ANKMY1: variants seen among roughly 807,000 people sequenced by gnomAD.
The protein encoded by ANKMY1 is ankyrin repeat and MYND domain-containing protein 1.
A neutral mutation model predicts 102.0 loss-of-function variants in ANKMY1; 98 were observed. The ratio of observed to expected loss-of-function variants is 0.96; its 90% CI spans 0.82 to 1.14. The LOEUF (loss-of-function observed/expected upper bound fraction) is 1.14. Among genes scored for constraint, ANKMY1 ranks in the 50% most tolerant of loss-of-function variants. The pLI, the probability that ANKMY1 is intolerant of heterozygous loss-of-function variation, is 0.00. For synonymous variants in ANKMY1, 582 were observed against 559.9 expected (o/e 1.04, Z -0.56); for missense variants, 1,330 against 1,347.6 (o/e 0.99, Z 0.20).
At chr2:240,481,160 G>A (rs528515532) in intron 16 of ANKMY1, 63 bp from the exon 17 acceptor site, 106 of 1,561,826 alleles carry the variant, frequency 6.8e-5, no homozygotes, top group Middle Eastern at 3.4e-4. Context: ...ACAAACAGCC[G>A]CTGCCTGGGA....
rs767655569 is a variant in ANKMY1 at position 240,524,084 on chromosome 2, T to C, written c.1633A>G (p.Thr545Ala). The C allele has an allele frequency of 1.5e-5, 24 of 1,613,936 alleles. No individual in the cohort carries two copies. In the East Asian group the frequency reaches 4.9e-4, roughly 33 times the overall value. The change falls in exon 8 of 18, where the codon ACA (threonine) becomes GCA (alanine). Residue 545 changes from threonine (T) to alanine (A), a missense_variant. Thr to Ala is a moderately conservative substitution (Grantham distance 58, BLOSUM62 0). Transcript: ENST00000401804. Reference protein sequence around the residue: ...ESGLEDVLGNTDRGSLCSAET... With the variant: ...ESGLEDVLGNADRGSLCSAET... ...GCACTGCACAGACTGCCCCGGTCTG[T>C]GTTTCCCAACACGTCCTCAAGCCCG...
intron 15 of ANKMY1, among the ~76,000 whole-genome samples, chr2:240,492,926 GTGAT>G (rs1350472471): frequency 1.3e-5 from 2 of 152,204 alleles, no homozygotes; most frequent in African/African-American, 4.8e-5. Context: ...CTGACCTCAA[GTGAT>G]CTGCCTGCCT....
At chr2:240,514,155 G>T (rs1466526976) in intron 9 of ANKMY1, among the ~76,000 whole-genome samples, 1 of 152,232 alleles carries the variant, frequency 6.6e-6, no homozygotes, top group Non-Finnish European at 1.5e-5. Context: ...CAGCTGAGGG[G>T]TGAATCAGGA....
At chr2:240,492,479 CCT>C (rs1234474661) in intron 15 of ANKMY1, among the ~76,000 whole-genome samples, 2 of 152,088 alleles carry the variant, frequency 1.3e-5, no homozygotes, top group Non-Finnish European at 2.9e-5. Context: ...TTTGAGATTT[CCT>C]CTGTCTCATC....
Position 240,479,497 on chromosome 2 carries a change from A to G in ANKMY1, c.*112T>C. 7.7e-7 allele frequency: 1 copy of G among 1,299,928 alleles called. No homozygotes were observed. The highest frequency in any genetic ancestry group is 1.5e-5 in the African/African-American group (1 of 68,692). The allele number at this position is 1,299,928 out of a possible 1,614,324, so 80.5% of individuals were successfully genotyped here. ...GACACTGCTACAAAGCATGACCCCA[A>G]AGGTGCAGAAATGCCTGCATTAGGC... On this transcript the variant is annotated 3_prime_UTR_variant, in exon 18 of 18. Coordinates refer to ENST00000401804, the MANE Select transcript of ANKMY1 (RefSeq NM_001282771.3).
chr2:240,528,928 A>G, intron 5 of ANKMY1, 109 bp downstream of exon 5: 1 of 978,290 alleles, frequency 1.0e-6, no homozygotes, highest in Non-Finnish European at 1.6e-6. Context: ...TGTTTAGGTC[A>G]CCCTGAGGGA....
chr2:240,518,149 G>C (rs2081520510), intron 9 of ANKMY1, among the ~76,000 whole-genome samples: 1 of 152,062 alleles, frequency 6.6e-6, no homozygotes, highest in Non-Finnish European at 1.5e-5. Flanking sequence ...GATGTCTATG[G>C]TTTCTTTTAA....
chr2:240,535,539 A>G (rs1381824854), intron 4 of ANKMY1, among the ~76,000 whole-genome samples: 1 of 152,204 alleles, frequency 6.6e-6, no homozygotes, highest in Non-Finnish European at 1.5e-5. Context: ...GAGAACGTGG[A>G]TTTTTCCCAC....
At chr2:240,515,341 C>T (rs762211160) in intron 9 of ANKMY1, among the ~76,000 whole-genome samples, 1 of 152,110 alleles carries the variant, frequency 6.6e-6, no homozygotes, top group African/African-American at 2.4e-5. Flanking sequence ...TCAAGACCAG[C>T]CTGGCCAACA....
chr2:240,531,738 G>A (rs188836403), intron 4 of ANKMY1, among the ~76,000 whole-genome samples: 15 of 152,236 alleles, frequency 9.9e-5, no homozygotes, highest in Non-Finnish European at 1.5e-4. Context: ...GTGGAGGTAG[G>A]GGTTTACTAT....
chr2:240,527,648 G>C (rs1187969787), intron 5 of ANKMY1: 1 of 150,970 alleles, frequency 6.6e-6, no homozygotes, highest in South Asian at 2.1e-4. Context: ...ATGACTGGAC[G>C]GGTGGGTGGG....
intron 4 of ANKMY1, among the ~76,000 whole-genome samples, chr2:240,546,817 T>C (rs909555743): frequency 1.0e-3 from 157 of 152,346 alleles, no homozygotes; most frequent in African/African-American, 3.7e-3. Context: ...CTAACTATCC[T>C]AAATATATAT....
At chr2:240,526,927 C>A in intron 5 of ANKMY1, 1 of 1,077,796 alleles carries the variant, frequency 9.3e-7, no homozygotes, top group Non-Finnish European at 1.1e-6. Context: ...CTGGTGTGTA[C>A]ACAACCCCTT....
chr2:240,538,920 T>A (rs1388289004), intron 4 of ANKMY1, among the ~76,000 whole-genome samples: 1 of 152,060 alleles, frequency 6.6e-6, no homozygotes, highest in Non-Finnish European at 1.5e-5. Flanking sequence ...TTGGAGAACT[T>A]TTATGTCTAG....
Position 240,518,551 on chromosome 2 carries a change from C to T in ANKMY1, c.2004+1811G>A, listed in dbSNP as rs555857037. Among the ~76,000 whole-genome samples the T allele has an allele frequency of 8.5e-5, 13 of 152,338 alleles. No individual in the cohort carries two copies. In the East Asian group the frequency reaches 1.7e-3, roughly 20 times the overall value. On this transcript the variant is annotated intron_variant, in intron 9 of 17. Coordinates refer to ENST00000401804, the MANE Select transcript of ANKMY1 (RefSeq NM_001282771.3). Reference sequence around the variant, plus strand: ...CAGTACCTGTCATCTCACTGATTGGCTTTCTGTGCAGTAAGCAGCAGGATC... The same window carrying T: ...CAGTACCTGTCATCTCACTGATTGGTTTTCTGTGCAGTAAGCAGCAGGATC...
chr2:240,494,581 G>A (rs2077014717), intron 15 of ANKMY1, among the ~76,000 whole-genome samples: 1 of 152,258 alleles, frequency 6.6e-6, no homozygotes, highest in Middle Eastern at 3.4e-3. Flanking sequence ...CAGGGCCACT[G>A]GGTCCCAGGA....
At chr2:240,480,519 T>C (rs1365499974) in intron 17 of ANKMY1, among the ~76,000 whole-genome samples, 1 of 152,026 alleles carries the variant, frequency 6.6e-6, no homozygotes, top group East Asian at 1.9e-4. Flanking sequence ...TGGGAGGAAA[T>C]TTCCTGAAGG....
In ANKMY1 at chr2:240,511,967, T is replaced by C. The variant is rs748549911; in HGVS notation, c.2180A>G (p.Asn727Ser). The change falls in exon 11 of 18, where the codon AAT (asparagine) becomes AGT (serine). Residue 727 changes from asparagine to serine, a missense_variant. Coordinates refer to ENST00000401804, the MANE Select transcript of ANKMY1 (RefSeq NM_001282771.3). The part of the protein sequence containing the change: ...DLLPSSLKLS[N>S]EPGPPQAYYS... ...GTAGGCTTGGGGAGGGCCTGGCTCATTGCTGAGCTTCAGACTTGAGGGCAG... is the reference window on the plus strand; with the variant it reads ...GTAGGCTTGGGGAGGGCCTGGCTCACTGCTGAGCTTCAGACTTGAGGGCAG... 4 of 1,562,208 alleles carry C rather than the reference T, an allele frequency of 2.6e-6. No homozygotes were observed. In the African/African-American group the frequency reaches 4.2e-5, roughly 17 times the overall value.
intron 12 of ANKMY1, 144 bp downstream of exon 12, chr2:240,509,204 A>AGTGGATGG (rs1324872979): frequency 3.2e-6 from 2 of 627,646 alleles, no homozygotes; most frequent in Non-Finnish European, 5.3e-6. Flanking sequence ...TGGGTGGGTG[A>AGTGGATGG]GTGGATGGGT....
Sources: allele counts gnomAD v4.1 joint callset (sites outside exome capture counted in the v4.1 genomes callset), GRCh38; gene constraint gnomAD v4.1.1; transcripts MANE v1.5; gene names NCBI Gene and HGNC (gene_info 2026-07-23, HGNC 2026-07-21).